The following DLGAP2 variants were observed in gnomAD, a reference collection of about 807,000 sequenced individuals.
DLGAP2 encodes DLG associated protein 2, also known as disks large-associated protein 2.
A neutral mutation model predicts 100.3 loss-of-function variants in DLGAP2; 26 were observed. The observed-to-expected ratio is 0.26, with a 90% CI of 0.19 to 0.36. DLGAP2 has a LOEUF of 0.36. DLGAP2 is among the 10% of genes least tolerant of loss of function. DLGAP2 has a pLI of 1.00. For synonymous variants in DLGAP2, 886 were observed against 630.1 expected, an observed-to-expected ratio of 1.41 and a Z score of -6.08; for missense variants, 1,858 against 1,453.2, an observed-to-expected ratio of 1.28 and a Z score of -4.53.
At chr8:1,202,879 C>T (rs926369334) in intron 2 of DLGAP2, among the ~76,000 whole-genome samples, 1 of 152,212 alleles carries the variant, frequency 6.6e-6, no homozygotes, top group Non-Finnish European at 1.5e-5. Flanking sequence ...TCAGCCGCTG[C>T]CCACCGACCA....
chr8:1,186,740 G>A (rs375165812), intron 2 of DLGAP2, among the ~76,000 whole-genome samples: 95 of 152,224 alleles, frequency 6.2e-4, no homozygotes, highest in South Asian at 3.5e-3. Flanking sequence ...ATAATTTCAC[G>A]TCGTCGCCTC....
At chr8:850,458 T>C (rs1797164898) in intron 1 of DLGAP2, among the ~76,000 whole-genome samples, 1 of 152,230 alleles carries the variant, frequency 6.6e-6, no homozygotes, top group African/African-American at 2.4e-5. Context: ...AGTGTTTTTA[T>C]TGTTTCACAG....
intron 2 of DLGAP2, among the ~76,000 whole-genome samples, chr8:1,188,326 C>G (rs1235308628): frequency 2.8e-3 from 323 of 115,506 alleles, no homozygotes; most frequent in African/African-American, 9.2e-3. Flanking sequence ...CGTGACGTTT[C>G]CCTCACGGAA....
At chr8:1,284,033 C>T (rs1320617939) in intron 3 of DLGAP2, among the ~76,000 whole-genome samples, 1 of 152,198 alleles carries the variant, frequency 6.6e-6, no homozygotes, top group Non-Finnish European at 1.5e-5. Context: ...TCCAAATTTT[C>T]TATGACAAGT....
At chr8:981,217 C>G (rs1217217282) in intron 2 of DLGAP2, among the ~76,000 whole-genome samples, 1 of 152,092 alleles carries the variant, frequency 6.6e-6, no homozygotes, top group Admixed American at 6.5e-5. Flanking sequence ...ATAGTGTTTC[C>G]AAGGCTCATC....
intron 7 of DLGAP2, among the ~76,000 whole-genome samples, chr8:1,629,832 T>G (rs1354905805): frequency 2.6e-5 from 4 of 152,244 alleles, no homozygotes; most frequent in South Asian, 2.1e-4. Flanking sequence ...AATGCTCTTA[T>G]GAAACATTCA....
intron 1 of DLGAP2, among the ~76,000 whole-genome samples, chr8:773,858 T>TA (rs1821437094): frequency 6.6e-6 from 1 of 152,158 alleles, no homozygotes. Context: ...TTTGGGTATA[T>TA]ACCCAGTAAT....
At chr8:925,761 C>A (rs543529215) in intron 2 of DLGAP2, among the ~76,000 whole-genome samples, 1 of 152,100 alleles carries the variant, frequency 6.6e-6, no homozygotes, top group Non-Finnish European at 1.5e-5. Flanking sequence ...ATGAGGCTGA[C>A]GAGTCTGAGA....
intron 4 of DLGAP2, among the ~76,000 whole-genome samples, chr8:1,504,959 A>C (rs1473109120): frequency 6.6e-6 from 1 of 152,202 alleles, no homozygotes; most frequent in Non-Finnish European, 1.5e-5. Flanking sequence ...TCCTGATATA[A>C]AACATATGAA....
At chr8:1,134,205 A>ATACATG (rs1166170252) in intron 2 of DLGAP2, among the ~76,000 whole-genome samples, 1 of 152,188 alleles carries the variant, frequency 6.6e-6, no homozygotes, top group Non-Finnish European at 1.5e-5. Context: ...ATTCCATGGT[A>ATACATG]TACATGTACC....
chr8:1,457,254 C>T (rs936156527), intron 3 of DLGAP2, among the ~76,000 whole-genome samples: 6 of 152,148 alleles, frequency 3.9e-5, no homozygotes, highest in Admixed American at 6.5e-5. Flanking sequence ...AGGGGTTGTT[C>T]TCAAGTTATA....
At chr8:1,062,036 C>T (rs1264971014) in intron 2 of DLGAP2, among the ~76,000 whole-genome samples, 1 of 142,396 alleles carries the variant, frequency 7.0e-6, no homozygotes, top group Non-Finnish European at 1.6e-5. Context: ...AGATTATAGA[C>T]ATTTATCTGA....
chr8:1,566,316 A>AT (rs1563224955), intron 6 of DLGAP2, among the ~76,000 whole-genome samples: 1 of 152,138 alleles, frequency 6.6e-6, no homozygotes, highest in African/African-American at 2.4e-5. Context: ...TAGGCAACAC[A>AT]TTTTTTTGTA....
intron 12 of DLGAP2, among the ~76,000 whole-genome samples, chr8:1,683,952 G>GTGTGTATATA (rs1554430831): frequency 4.9e-5 from 1 of 20,346 alleles, no homozygotes; most frequent in Non-Finnish European, 8.2e-5. Context: ...ATATATATGT[G>GTGTGTATATA]TGTATATATA....
In DLGAP2 at chr8:1,287,762, C is replaced by CGT. The variant is rs1333923540; in HGVS notation, c.106+28896_106+28897dup. ...GTTAGGGGAACTAGTTTTGGTTCAG[C>CGT]GTGTGTGTGTGTGTGTGTCTGTGTG... On this transcript the variant is annotated intron_variant, in intron 3 of 14. Coordinates refer to ENST00000637795, the MANE Select transcript of DLGAP2 (RefSeq NM_001346810.2). Among the ~76,000 whole-genome samples, 260 of 30,286 alleles carry CGT rather than the reference C, an allele frequency of 8.6e-3. 29 individuals carry two copies. The highest frequency in any genetic ancestry group is 0.038 in the African/African-American group (207 of 5,378). 19.9% of individuals were successfully genotyped at this position (30,286 alleles called of 152,430 possible).
At chr8:1,458,445 A>T (rs775040400) in intron 3 of DLGAP2, among the ~76,000 whole-genome samples, 15 of 152,168 alleles carry the variant, frequency 9.9e-5, no homozygotes, top group South Asian at 2.1e-4. Context: ...GAGATGACTG[A>T]TACTTCACTG....
intron 2 of DLGAP2, among the ~76,000 whole-genome samples, chr8:1,059,542 C>T (rs1356507622): frequency 6.6e-6 from 1 of 152,150 alleles, no homozygotes; most frequent in African/African-American, 2.4e-5. Flanking sequence ...CTGTTCAGTG[C>T]CCATTGCCTC....
chr8:816,306 A>G (rs1370180680), intron 1 of DLGAP2, among the ~76,000 whole-genome samples: 1 of 144,200 alleles, frequency 6.9e-6, no homozygotes, highest in South Asian at 2.2e-4. Flanking sequence ...TTGTTGTTAT[A>G]TGTAATAGGT....
intron 3 of DLGAP2, among the ~76,000 whole-genome samples, chr8:1,457,835 G>T (rs528390368): frequency 6.6e-6 from 1 of 151,554 alleles, no homozygotes; most frequent in Non-Finnish European, 1.5e-5. Flanking sequence ...GCAGAGTCAC[G>T]CAACTCACTA....
Sources: gnomAD v4.1 joint callset for allele counts (sites outside exome capture counted in the v4.1 genomes callset) on GRCh38, gnomAD v4.1.1 for gene constraint, MANE v1.5 for transcripts, NCBI Gene and HGNC (gene_info 2026-07-23, HGNC 2026-07-21) for gene names.